Variants in GMDS observed in about 807,000 individuals in gnomAD.
The protein encoded by GMDS is GDP-mannose 4,6-dehydratase.
Under a neutral mutation model 49.9 loss-of-function variants are expected in GMDS, and 20 were observed. The ratio of observed to expected loss-of-function variants is 0.40; its 90% CI spans 0.28 to 0.58. GMDS has a LOEUF of 0.58. Among genes scored for constraint, GMDS ranks in the 20% least tolerant of loss-of-function variants. The pLI is 0.42. For missense variants in GMDS, 362 were observed against 481.4 expected, an observed-to-expected ratio of 0.75 and a Z score of 2.32; for synonymous variants, 177 against 178.6, an observed-to-expected ratio of 0.99 and a Z score of 0.07.
chr6:1,876,397 C>T (rs1049923719), intron 7 of GMDS, among the ~76,000 whole-genome samples: 6 of 152,270 alleles, frequency 3.9e-5, no homozygotes, highest in African/African-American at 9.6e-5. Context: ...TTTATACATT[C>T]TTTAACCTAA....
At chr6:1,784,360 C>T (rs1448917459) in intron 7 of GMDS, among the ~76,000 whole-genome samples, 2 of 142,680 alleles carry the variant, frequency 1.4e-5, no homozygotes, top group Admixed American at 1.5e-4. Flanking sequence ...CCACTGCACT[C>T]CAGCCTGGGT....
chr6:1,748,415 A>C (rs1187087568), intron 7 of GMDS, among the ~76,000 whole-genome samples: 1 of 151,846 alleles, frequency 6.6e-6, no homozygotes, highest in African/African-American at 2.4e-5. Context: ...GTTTTGTTTC[A>C]TATTAATTTA....
At chr6:2,030,577 C>T (rs964328184) in intron 4 of GMDS, among the ~76,000 whole-genome samples, 1 of 152,134 alleles carries the variant, frequency 6.6e-6, no homozygotes, top group Non-Finnish European at 1.5e-5. Context: ...AGTCTCAGGG[C>T]TCTAAATGAC....
Position 2,148,396 on chromosome 6 carries a change from A to G in GMDS, c.103-23665T>C, listed in dbSNP as rs143771149. On this transcript the variant is annotated intron_variant, in intron 1 of 10. Coordinates refer to ENST00000380815, the MANE Select transcript of GMDS (RefSeq NM_001500.4). The stretch of plus-strand genomic sequence containing the variant: ...CTCTGATCTCTGAGTTTGTATTCAC[A>G]TCTATCAAGTTTTTGTTTGTTTGTT... Among the ~76,000 whole-genome samples, 149 of 152,170 alleles carry G rather than the reference A, an allele frequency of 9.8e-4. 4 individuals carry two copies. The East Asian group carries it at 0.024, about 24-fold the overall frequency.
chr6:2,017,102 G>C (rs1045474093), intron 4 of GMDS, among the ~76,000 whole-genome samples: 2 of 152,072 alleles, frequency 1.3e-5, no homozygotes, highest in African/African-American at 4.8e-5. Context: ...AATCAATGAA[G>C]CCAAAGGTAA....
chr6:2,040,907 G>A (rs1192039047), intron 4 of GMDS, among the ~76,000 whole-genome samples: 1 of 152,184 alleles, frequency 6.6e-6, no homozygotes, highest in African/African-American at 2.4e-5. Flanking sequence ...AAAATACACA[G>A]GTTTCCCTGT....
intron 9 of GMDS, among the ~76,000 whole-genome samples, chr6:1,655,956 C>T (rs1763866036): frequency 6.6e-6 from 1 of 152,160 alleles, no homozygotes; most frequent in African/African-American, 2.4e-5. Context: ...ATTGTGATGT[C>T]ACGCACACCC....
chr6:1,849,952 G>A (rs147373260), intron 7 of GMDS, among the ~76,000 whole-genome samples: 1 of 152,284 alleles, frequency 6.6e-6, no homozygotes, highest in African/African-American at 2.4e-5. Context: ...TCAAAATAAG[G>A]AAGCTAGGTC....
intron 4 of GMDS, among the ~76,000 whole-genome samples, chr6:2,076,677 A>G (rs1581617570): frequency 6.6e-6 from 1 of 152,344 alleles, no homozygotes; most frequent in Admixed American, 6.5e-5. Flanking sequence ...TCCCTATTTA[A>G]TAAATGGTGC....
chr6:1,749,567 T>A (rs1337702570), intron 7 of GMDS, among the ~76,000 whole-genome samples: 5 of 146,938 alleles, frequency 3.4e-5, no homozygotes, highest in African/African-American at 1.0e-4. Flanking sequence ...CACTCCAGCA[T>A]GGGTGACAGA....
At chr6:1,881,569 G>C (rs1384191904) in intron 7 of GMDS, among the ~76,000 whole-genome samples, 2 of 152,198 alleles carry the variant, frequency 1.3e-5, no homozygotes, top group African/African-American at 4.8e-5. Context: ...AAGAAATAAT[G>C]TGTTCTATTT....
At chr6:2,151,829 C>T (rs751745610) in intron 1 of GMDS, among the ~76,000 whole-genome samples, 1 of 151,984 alleles carries the variant, frequency 6.6e-6, no homozygotes, top group Non-Finnish European at 1.5e-5. Flanking sequence ...AAATGTCAAC[C>T]ATTAACACAC....
intron 8 of GMDS, among the ~76,000 whole-genome samples, chr6:1,740,951 A>G (rs1767247294): frequency 6.6e-6 from 1 of 152,216 alleles, no homozygotes; most frequent in Admixed American, 6.5e-5. Flanking sequence ...CGAATTGTCA[A>G]TATTTTTCAT....
At chr6:2,211,164 A>G (rs531117131) in intron 1 of GMDS, among the ~76,000 whole-genome samples, 60 of 152,290 alleles carry the variant, frequency 3.9e-4, no homozygotes, top group African/African-American at 1.4e-3. Context: ...GTGAGAACGG[A>G]CTAACACAGT....
At position 1,685,569 on chromosome 6, in the gene GMDS, C is replaced by G. The variant is rs12199309; in HGVS notation, c.987+40847G>C. Among the ~76,000 whole-genome samples the G allele has an allele frequency of 3.9e-3, 591 of 152,176 alleles. 2 individuals carry two copies. The highest frequency in any genetic ancestry group is 0.01 in the Middle Eastern group (3 of 294). On this transcript the variant is annotated intron_variant, in intron 9 of 10. Transcript: ENST00000380815. ...AATATATTCCTCGTCTCCATTCATG[C>G]CAACAATGACTATGCCAGCGTTTGC...
In GMDS at chr6:2,115,809, T is replaced by G; in HGVS notation, c.307A>C (p.Thr103Pro). The G allele has an allele frequency of 1.2e-6, 2 of 1,607,802 alleles. No homozygotes were observed. The highest frequency in any genetic ancestry group is 1.7e-6 in the Non-Finnish European group (2 of 1,174,410). Residue 103 changes from threonine (T) to proline (P), a missense_variant, in exon 4 of 11, where the codon ACA becomes CCA. Thr to Pro is a conservative substitution (Grantham distance 38, BLOSUM62 -1). Transcript: ENST00000380815. ...TGGGCTCCAAGGTTGTAGATCTCTGTGGGCTTTACTTCATTAATGATCTTC... is the reference window on the plus strand; with the variant it reads ...TGGGCTCCAAGGTTGTAGATCTCTGGGGGCTTTACTTCATTAATGATCTTC... Reference protein sequence around the residue: ...LVKIINEVKPTEIYNLGAQSH... With the variant: ...LVKIINEVKPPEIYNLGAQSH...
At chr6:2,225,384 G>T (rs1780770670) in intron 1 of GMDS, among the ~76,000 whole-genome samples, 1 of 152,076 alleles carries the variant, frequency 6.6e-6, no homozygotes, top group African/African-American at 2.4e-5. Context: ...TCTCATTAAA[G>T]ACAGAGGTGC....
At chr6:2,051,177 C>T (rs1398661961) in intron 4 of GMDS, among the ~76,000 whole-genome samples, 5 of 152,154 alleles carry the variant, frequency 3.3e-5, no homozygotes, top group Non-Finnish European at 7.4e-5. Context: ...GCCTCTAAAG[C>T]TTCAATAGGC....
intron 7 of GMDS, among the ~76,000 whole-genome samples, chr6:1,801,119 A>G (rs138573186): frequency 1.9e-3 from 286 of 152,264 alleles, no homozygotes; most frequent in African/African-American, 6.6e-3. Flanking sequence ...CTGTGACTAG[A>G]ATAGCCTGCC....
Sources: allele counts gnomAD v4.1 joint callset (sites outside exome capture counted in the v4.1 genomes callset), GRCh38; gene constraint gnomAD v4.1.1; transcripts MANE v1.5; gene names NCBI Gene and HGNC (gene_info 2026-07-23, HGNC 2026-07-21).